Variants in SHISA6 observed in about 807,000 individuals in gnomAD.
SHISA6 encodes protein shisa-6.
SHISA6 carries 22 observed loss-of-function variants against 47.9 expected under a neutral mutation model. That is an observed-to-expected ratio of 0.46 (90% CI 0.33 to 0.66). The LOEUF (loss-of-function observed/expected upper bound fraction) is 0.66. Ranked by LOEUF, SHISA6 falls within the 30% of genes least tolerant of loss-of-function variation. SHISA6 has a pLI of 0.02. For synonymous variants in SHISA6, 388 were observed against 337.8 expected, an observed-to-expected ratio of 1.15 and a Z score of -1.63; for missense variants, 680 against 764.6, an observed-to-expected ratio of 0.89 and a Z score of 1.30.
chr17:11,350,178 A>ATTTTTTTTTTTTTTTTTTTTTT (rs199879665), intron 2 of SHISA6, among the ~76,000 whole-genome samples: 3 of 101,148 alleles, frequency 3.0e-5, no homozygotes, highest in African/African-American at 1.2e-4. Flanking sequence ...TTATTTATTT[A>ATTTTTTTTTTTTTTTTTTTTTT]TTTATTTTTT....
intron 2 of SHISA6, among the ~76,000 whole-genome samples, chr17:11,334,744 G>A (rs1256687268): frequency 6.6e-6 from 1 of 152,198 alleles, no homozygotes; most frequent in Non-Finnish European, 1.5e-5. Flanking sequence ...TTCAGCCCCT[G>A]GTGCTCTGAG....
At position 11,460,554 on chromosome 17, in the gene SHISA6, G is replaced by A. The variant is rs368871288; in HGVS notation, c.895+81045G>A. 7.9e-5 allele frequency among the ~76,000 whole-genome samples: 12 copies of A among 152,190 alleles called. No individual in the cohort carries two copies. In the East Asian group the frequency reaches 2.3e-3, roughly 29 times the overall value. On this transcript the variant is annotated intron_variant, in intron 3 of 5. Coordinates refer to ENST00000441885, the MANE Select transcript of SHISA6 (RefSeq NM_207386.4). ...TTACAGGCACCCACCACCATGCCTGGCTAATTTTGTATTTTTAGTAGAGAC... is the reference window on the plus strand; with the variant it reads ...TTACAGGCACCCACCACCATGCCTGACTAATTTTGTATTTTTAGTAGAGAC...
chr17:11,241,365 C>T lies in SHISA6; in HGVS notation c.-58C>T, dbSNP rs1018353067. 5 of 1,008,118 alleles carry T rather than the reference C, an allele frequency of 5.0e-6. No individual in the cohort carries two copies. In the African/African-American group the frequency reaches 5.3e-5, roughly 11 times the overall value. 62.4% of individuals were successfully genotyped at this position (1,008,118 alleles called of 1,614,324 possible). Reference sequence around the variant, plus strand: ...GCGCGGCGGGTCCTCCGAGCCCGGCCCGCCGGGGGAGCGGCCTGCCGCGGA... The same window carrying T: ...GCGCGGCGGGTCCTCCGAGCCCGGCTCGCCGGGGGAGCGGCCTGCCGCGGA... On this transcript the variant is annotated 5_prime_UTR_variant, in exon 1 of 6. Coordinates refer to ENST00000441885, the MANE Select transcript of SHISA6 (RefSeq NM_207386.4). This position sits in a 1 kb window ranked among gnomAD's most constrained non-coding sequence, Gnocchi z 5.5.
chr17:11,396,144 T>C (rs1361241126), intron 3 of SHISA6, among the ~76,000 whole-genome samples: 4 of 152,228 alleles, frequency 2.6e-5, no homozygotes, highest in Non-Finnish European at 5.9e-5. Context: ...GTAGAGATCA[T>C]CATAGACTTT....
chr17:11,524,036 AAAGAAAGAAAGAAAAAG>A (rs2071654212), intron 3 of SHISA6, among the ~76,000 whole-genome samples: 2 of 151,906 alleles, frequency 1.3e-5, no homozygotes, highest in African/African-American at 2.4e-5. Flanking sequence ...AAAGAAAAGA[AAAGAAAGAAAGAAAAAG>A]AAGAAAGAAA....
rs1197803875 is a variant in SHISA6, at chr17:11,241,942, A to G, written c.520A>G (p.Thr174Ala). The change falls in exon 1 of 6, where the codon ACC becomes GCC. Residue 174 changes from threonine (T) to alanine (A), a missense_variant. Thr to Ala is a moderately conservative substitution (Grantham distance 58, BLOSUM62 0). Around this residue, in one of 2 missense-constraint regions of SHISA6, gnomAD observed 559 missense variants for 674.1 expected, o/e 0.83. Transcript: ENST00000441885. The surrounding 1 kb of genome is among the most constrained non-coding windows in gnomAD (Gnocchi z 5.5). ...ENKYDPEKDKTNFTVYITCGV... is the reference protein window; with the variant it reads ...ENKYDPEKDKANFTVYITCGV... Reference sequence around the variant, plus strand: ...CAAGTACGACCCGGAGAAGGACAAGACCAACTTCACCGTCTACATCACCTG... The same window carrying G: ...CAAGTACGACCCGGAGAAGGACAAGGCCAACTTCACCGTCTACATCACCTG... 9.0e-5 allele frequency: 140 copies of G among 1,550,880 alleles called. No individual in the cohort carries two copies. The highest frequency in any genetic ancestry group is 1.2e-4 in the Non-Finnish European group (132 of 1,147,028).
chr17:11,343,576 G>T (rs1320256456), intron 2 of SHISA6, among the ~76,000 whole-genome samples: 3 of 152,180 alleles, frequency 2.0e-5, no homozygotes, highest in Non-Finnish European at 4.4e-5. Flanking sequence ...ATGCTGAACT[G>T]GGGGGCGTTG....
rs141456030 is a variant in SHISA6, at chr17:11,430,075, A to C, written c.895+50566A>C. Among the ~76,000 whole-genome samples the C allele has an allele frequency of 4.6e-3, 694 of 152,322 alleles. 7 individuals carry two copies. Among genetic ancestry groups the C allele is most frequent in the African/African-American group, 0.016 (652 of 41,570 alleles). ...GTATTATCTCCTCACTTTTGAGATGAGGAAACTGAGGATCACAGACTTCAA... is the reference window on the plus strand; with the variant it reads ...GTATTATCTCCTCACTTTTGAGATGCGGAAACTGAGGATCACAGACTTCAA... On this transcript the variant is annotated intron_variant, in intron 3 of 5. Coordinates refer to ENST00000441885, the MANE Select transcript of SHISA6 (RefSeq NM_207386.4).
intron 3 of SHISA6, among the ~76,000 whole-genome samples, chr17:11,497,236 C>T (rs181291353): frequency 1.3e-5 from 2 of 152,292 alleles, no homozygotes; most frequent in Middle Eastern, 3.4e-3. Context: ...ACCAGCCTGG[C>T]TTGTGTTCTG....
intron 3 of SHISA6, among the ~76,000 whole-genome samples, chr17:11,434,519 C>A (rs2142292282): frequency 6.6e-6 from 1 of 152,270 alleles, no homozygotes; most frequent in Admixed American, 6.5e-5. Flanking sequence ...AAATCAATTA[C>A]TTTTACAGAT....
At chr17:11,458,092 A>G (rs567174589) in intron 3 of SHISA6, among the ~76,000 whole-genome samples, 1 of 152,008 alleles carries the variant, frequency 6.6e-6, no homozygotes, top group Non-Finnish European at 1.5e-5. Flanking sequence ...CTAAAAAAAA[A>G]AAAAAAAAAA....
At chr17:11,357,212 A>AAAAT (rs1238818831) in intron 2 of SHISA6, among the ~76,000 whole-genome samples, 2 of 149,090 alleles carry the variant, frequency 1.3e-5, no homozygotes, top group South Asian at 2.1e-4. Flanking sequence ...AAAAAAATGA[A>AAAAT]GAAGAAGAAG....
intron 3 of SHISA6, among the ~76,000 whole-genome samples, chr17:11,526,580 T>C (rs1385876748): frequency 6.6e-6 from 1 of 152,174 alleles, no homozygotes; most frequent in Non-Finnish European, 1.5e-5. Flanking sequence ...CCAGGAGGTA[T>C]GACTTGTCTC....
At chr17:11,556,445 A>T (rs28446852) in intron 5 of SHISA6, among the ~76,000 whole-genome samples, 3,224 of 152,262 alleles carry the variant, frequency 0.021, 108 homozygotes, top group African/African-American at 0.072. Context: ...GACTCTGGGC[A>T]TCAATGGGTT....
chr17:11,386,394 G>A (rs1019018918), intron 3 of SHISA6, among the ~76,000 whole-genome samples: 10 of 152,010 alleles, frequency 6.6e-5, no homozygotes, highest in Non-Finnish European at 1.5e-4. Context: ...AAAAGAAAAA[G>A]AAAAAGTAAT....
chr17:11,354,585 A>C (rs1912018529), intron 2 of SHISA6, among the ~76,000 whole-genome samples: 1 of 152,184 alleles, frequency 6.6e-6, no homozygotes, highest in South Asian at 2.1e-4. Context: ...TAATGCCTCC[A>C]AGGTCACGAA....
At chr17:11,535,511 T>C (rs906981738) in intron 3 of SHISA6, among the ~76,000 whole-genome samples, 6 of 152,190 alleles carry the variant, frequency 3.9e-5, no homozygotes, top group African/African-American at 1.4e-4. Flanking sequence ...AGGGGGTTTT[T>C]AGGGTGAGTG....
chr17:11,490,812 G>T (rs1916456661), intron 3 of SHISA6, among the ~76,000 whole-genome samples: 1 of 152,234 alleles, frequency 6.6e-6, no homozygotes, highest in African/African-American at 2.4e-5. Flanking sequence ...AGGGAGGAAT[G>T]CTCATCTATA....
chr17:11,350,528 C>G (rs1597470601), intron 2 of SHISA6, among the ~76,000 whole-genome samples: 1 of 152,090 alleles, frequency 6.6e-6, no homozygotes, highest in East Asian at 1.9e-4. Flanking sequence ...CCAAGAGCCT[C>G]ATCAGATATC....
Sources: allele counts gnomAD v4.1 joint callset (sites outside exome capture counted in the v4.1 genomes callset), GRCh38; gene constraint gnomAD v4.1.1; regional missense constraint gnomAD v4.1.1; non-coding constraint Gnocchi (gnomAD v3.1); transcripts MANE v1.5; gene names NCBI Gene and HGNC (gene_info 2026-07-23, HGNC 2026-07-21).